Variants in EFCAB6 observed in about 807,000 individuals in gnomAD.
EFCAB6 encodes EF-hand calcium binding domain 6.
A neutral mutation model predicts 169.8 loss-of-function variants in EFCAB6; 156 were observed. That is an observed-to-expected ratio of 0.92 (90% CI 0.81 to 1.05). EFCAB6 has a LOEUF of 1.05. Ranked by LOEUF, EFCAB6 falls within the 50% of genes least tolerant of loss-of-function variation. The pLI is 0.00. For synonymous variants in EFCAB6, 698 were observed against 676.4 expected (o/e 1.03, Z -0.50); for missense variants, 1,800 against 1,829.1 (o/e 0.98, Z 0.29).
intron 25 of EFCAB6, among the ~76,000 whole-genome samples, chr22:43,579,000 G>C (rs34692387): frequency 0.78 from 107,455 of 138,028 alleles, 39,915 homozygotes; most frequent in Admixed American, 0.83. Context: ...GCATCATTCC[G>C]TACACGCAGG....
At position 43,531,854 on chromosome 22, in the gene EFCAB6, C is replaced by A. The variant is rs558178145; in HGVS notation, c.4234-890G>T. ...CCACCAGCCCGGCCAGAGCCCCCAC[C>A]TCTGACCCACCTTGCAGGGAGGGGC... On this transcript the variant is annotated intron_variant, in intron 30 of 31. Coordinates refer to ENST00000262726, the MANE Select transcript of EFCAB6 (RefSeq NM_022785.4). 3.3e-5 allele frequency among the ~76,000 whole-genome samples: 5 copies of A among 152,348 alleles called. No individual in the cohort carries two copies. The South Asian group carries it at 1.0e-3, about 32-fold the overall frequency.
chr22:43,764,296 C>G (rs2061256907), intron 5 of EFCAB6, among the ~76,000 whole-genome samples: 1 of 152,012 alleles, frequency 6.6e-6, no homozygotes, highest in African/African-American at 2.4e-5. Context: ...TAAGTGAGAA[C>G]ATGTGGTATT....
intron 10 of EFCAB6, among the ~76,000 whole-genome samples, chr22:43,689,348 T>TACACACACACACAC (rs2058318714): frequency 3.3e-5 from 1 of 30,126 alleles, no homozygotes; most frequent in Non-Finnish European, 6.4e-5. Context: ...GGAGAGCACG[T>TACACACACACACAC]GCACACACAC....
At chr22:43,683,219 A>C (rs2058070774) in intron 12 of EFCAB6, among the ~76,000 whole-genome samples, 2 of 152,204 alleles carry the variant, frequency 1.3e-5, no homozygotes, top group Non-Finnish European at 2.9e-5. Context: ...CTGCTTTCTA[A>C]AACAATATTA....
At position 43,672,097 on chromosome 22, in the gene EFCAB6, G is replaced by C. The variant is rs569528420; in HGVS notation, c.1516C>G (p.Leu506Val). 1.4e-5 allele frequency: 22 copies of C among 1,613,752 alleles called. No individual in the cohort carries two copies. Among genetic ancestry groups the C allele is most frequent in the South Asian group, 2.2e-5 (2 of 90,880 alleles). ...CGTAGCATGTTATAAAAAGCTTGTA[G>C]GTTCCTAGTAATTGTATCATGAACA... Reference protein sequence around the residue: ...EIVHDTITRNLQAFYNMLRSY... With the variant: ...EIVHDTITRNVQAFYNMLRSY... Residue 506 changes from leucine (L) to valine (V), a missense_variant, in exon 15 of 32, where the codon CTA (leucine) becomes GTA (valine). Physicochemically the swap from Leu to Val is conservative, Grantham distance 32. Transcript: ENST00000262726.
At chr22:43,548,652 ATATAT>A (rs959147293) in intron 27 of EFCAB6, among the ~76,000 whole-genome samples, 1 of 151,938 alleles carries the variant, frequency 6.6e-6, no homozygotes, top group Non-Finnish European at 1.5e-5. Flanking sequence ...ACGCACATAC[ATATAT>A]TATAATAAAA....
intron 2 of EFCAB6, among the ~76,000 whole-genome samples, chr22:43,788,351 G>A (rs563769673): frequency 6.6e-6 from 1 of 152,234 alleles, no homozygotes; most frequent in South Asian, 2.1e-4. Flanking sequence ...GATTTAGTAT[G>A]CAGAATATAT....
chr22:43,801,450 T>C (rs562181028), intron 2 of EFCAB6, among the ~76,000 whole-genome samples: 2 of 152,326 alleles, frequency 1.3e-5, no homozygotes, highest in East Asian at 3.9e-4. Context: ...ACTGGAATTG[T>C]GATGTGCAAT....
chr22:43,566,963 C>T lies in EFCAB6; in HGVS notation c.3420+9334G>A, dbSNP rs534179208. Among the ~76,000 whole-genome samples the T allele has an allele frequency of 9.6e-4, 146 of 152,292 alleles. 1 individual carries two copies. Among genetic ancestry groups the T allele is most frequent in the African/African-American group, 2.9e-3 (119 of 41,552 alleles). The stretch of plus-strand genomic sequence containing the variant: ...GTGTGGTGCCCTCCCAACCCCTGGG[C>T]TCTGGAAGCACTAACTCTCCTCCCA... On this transcript the variant is annotated intron_variant, in intron 26 of 31. Transcript: ENST00000262726.
chr22:43,729,415 A>G (rs1016472213), intron 8 of EFCAB6, among the ~76,000 whole-genome samples: 1 of 152,210 alleles, frequency 6.6e-6, no homozygotes, highest in Non-Finnish European at 1.5e-5. Flanking sequence ...ACATTTCAAC[A>G]TGAGATTTGG....
chr22:43,636,340 CG>C (rs1201589141), intron 17 of EFCAB6, among the ~76,000 whole-genome samples: 2 of 152,120 alleles, frequency 1.3e-5, no homozygotes, highest in African/African-American at 4.8e-5. Flanking sequence ...GGGGAGGGAA[CG>C]GAGGGACCAG....
Position 43,687,455 on chromosome 22 carries a change from T to G in EFCAB6, c.1142+16A>C, listed in dbSNP as rs1003271184. 3 of 1,385,272 alleles carry G rather than the reference T, an allele frequency of 2.2e-6. No homozygotes were observed. In the African/African-American group the frequency reaches 4.4e-5, roughly 21 times the overall value. The allele number at this position is 1,385,272 out of a possible 1,614,324, so 85.8% of individuals were successfully genotyped here. ...ATGTGTAACTAAAATTTGTTTTTTTTTTTTTTTTTACATACCTATTTCTTT... is the reference window on the plus strand; with the variant it reads ...ATGTGTAACTAAAATTTGTTTTTTTGTTTTTTTTTACATACCTATTTCTTT... On this transcript the variant is annotated intron_variant, in intron 11 of 31. Transcript: ENST00000262726.
At chr22:43,707,860 C>A (rs1207388501) in intron 10 of EFCAB6, among the ~76,000 whole-genome samples, 2 of 151,990 alleles carry the variant, frequency 1.3e-5, no homozygotes, top group Non-Finnish European at 2.9e-5. Context: ...GTCATAAAAA[C>A]AACAGTGATG....
rs930523956 is a variant in EFCAB6, at chr22:43,537,022, G to A, written c.4048+355C>T. On this transcript the variant is annotated intron_variant, in intron 29 of 31. Transcript: ENST00000262726. This position sits in a 1 kb window ranked among gnomAD's most constrained non-coding sequence, Gnocchi z 4.3. The stretch of plus-strand genomic sequence containing the variant: ...TGTTGATGGGAATGGAGCCCCAGGA[G>A]TGTCCCCTTCATCCCGCCCTCCTCC... 5.2e-6 allele frequency: 1 copy of A among 191,272 alleles called. No homozygotes were observed. Among genetic ancestry groups the A allele is most frequent in the African/African-American group, 2.3e-5 (1 of 43,030 alleles). The allele number at this position is 191,272 out of a possible 1,614,324, so 11.8% of individuals were successfully genotyped here. A position where few individuals can be genotyped will look rare whatever the true frequency, so the allele number is the denominator to read the frequency against.
intron 6 of EFCAB6, among the ~76,000 whole-genome samples, chr22:43,739,934 T>C (rs923441274): frequency 2.0e-5 from 3 of 151,974 alleles, no homozygotes; most frequent in African/African-American, 7.2e-5. Context: ...AGGGCTCCCA[T>C]TCCACTCGCT....
At chr22:43,617,162 T>C (rs978147107) in intron 20 of EFCAB6, among the ~76,000 whole-genome samples, 29 of 152,246 alleles carry the variant, frequency 1.9e-4, no homozygotes, top group African/African-American at 5.8e-4. Flanking sequence ...CCCCTATGAC[T>C]ACTTGACCAT....
intron 4 of EFCAB6, among the ~76,000 whole-genome samples, chr22:43,771,419 G>A (rs2061465467): frequency 6.6e-6 from 1 of 151,924 alleles, no homozygotes; most frequent in African/African-American, 2.4e-5. Context: ...GACAGAGTGA[G>A]ACTCCATCAA....
At chr22:43,740,207 T>G (rs1417133755) in intron 6 of EFCAB6, among the ~76,000 whole-genome samples, 2 of 152,162 alleles carry the variant, frequency 1.3e-5, no homozygotes, top group African/African-American at 4.8e-5. Context: ...AAATTAGGAC[T>G]CCTCACCCCC....
chr22:43,642,600 G>A (rs1043049915), intron 17 of EFCAB6, among the ~76,000 whole-genome samples: 1 of 152,230 alleles, frequency 6.6e-6, no homozygotes, highest in Non-Finnish European at 1.5e-5. Flanking sequence ...GTACTAGGGA[G>A]AAGAGTACTA....
Sources: gnomAD v4.1 joint callset for allele counts (sites outside exome capture counted in the v4.1 genomes callset) on GRCh38, gnomAD v4.1.1 for gene constraint, Gnocchi (gnomAD v3.1) non-coding constraint, MANE v1.5 for transcripts, NCBI Gene and HGNC (gene_info 2026-07-23, HGNC 2026-07-21) for gene names.